ARL8B: variants seen among roughly 807,000 people sequenced by gnomAD.
The protein encoded by ARL8B is ARF like GTPase 8B.
A neutral mutation model predicts 30.6 loss-of-function variants in ARL8B; 9 were observed. The observed-to-expected ratio is 0.29, with a 90% CI of 0.18 to 0.51. The LOEUF (loss-of-function observed/expected upper bound fraction) is 0.51. ARL8B is among the 20% of genes least tolerant of loss of function. The pLI is 0.97. For missense variants in ARL8B, 130 were observed against 227.2 expected, an observed-to-expected ratio of 0.57 and a Z score of 2.75; for synonymous variants, 74 against 76.0, an observed-to-expected ratio of 0.97 and a Z score of 0.14.
intron 1 of ARL8B, among the ~76,000 whole-genome samples, chr3:5,153,249 C>G (rs2054501341): frequency 6.6e-6 from 1 of 152,178 alleles, no homozygotes; most frequent in African/African-American, 2.4e-5. Context: ...CCCAAATCTC[C>G]TCTTTGAAGT....
intron 1 of ARL8B, among the ~76,000 whole-genome samples, chr3:5,144,357 C>T (rs996522378): frequency 2.6e-5 from 4 of 152,178 alleles, no homozygotes; most frequent in African/African-American, 9.7e-5. Context: ...AGGTCTTCCT[C>T]CTGTGGCCTG....
chr3:5,141,483 G>A (rs561346652), intron 1 of ARL8B, among the ~76,000 whole-genome samples: 105 of 152,286 alleles, frequency 6.9e-4, no homozygotes, highest in Non-Finnish European at 1.2e-3. Flanking sequence ...CTCTGTGCTA[G>A]TCCCCTCACA....
chr3:5,178,074 C>A (rs768953636), intron 6 of ARL8B, among the ~76,000 whole-genome samples: 1 of 152,170 alleles, frequency 6.6e-6, no homozygotes, highest in African/African-American at 2.4e-5. Context: ...GAAGTGAGGA[C>A]AAGAATTACC....
chr3:5,176,231 A>T (rs1256621466), intron 6 of ARL8B, among the ~76,000 whole-genome samples: 1 of 151,754 alleles, frequency 6.6e-6, no homozygotes, highest in African/African-American at 2.4e-5. Context: ...ACATGGCTTT[A>T]TTTATTTTTA....
chr3:5,127,346 A>G (rs2054238989), intron 1 of ARL8B, among the ~76,000 whole-genome samples: 1 of 152,220 alleles, frequency 6.6e-6, no homozygotes, highest in South Asian at 2.1e-4. Context: ...TCCATTAAAC[A>G]TCTTTTTTGT....
intron 1 of ARL8B, among the ~76,000 whole-genome samples, chr3:5,163,757 C>T (rs1251499649): frequency 6.6e-6 from 1 of 152,140 alleles, no homozygotes; most frequent in African/African-American, 2.4e-5. Flanking sequence ...GTAATCCCAG[C>T]TACTCGGGAG....
At chr3:5,152,356 G>T (rs184277420) in intron 1 of ARL8B, among the ~76,000 whole-genome samples, 1 of 151,912 alleles carries the variant, frequency 6.6e-6, no homozygotes, top group Non-Finnish European at 1.5e-5. Context: ...ATATTTTCTT[G>T]CTTTGAAGTC....
In ARL8B at chr3:5,174,230, A is replaced by G. The variant is rs113954952; in HGVS notation, c.441-114A>G. The G allele has an allele frequency of 5.9e-4, 627 of 1,068,964 alleles. 2 individuals carry two copies. The African/African-American group carries it at 8.9e-3, about 15-fold the overall frequency. 66.2% of individuals were successfully genotyped at this position (1,068,964 alleles called of 1,614,324 possible). A position where few individuals can be genotyped will look rare whatever the true frequency, so the allele number is the denominator to read the frequency against. On this transcript the variant is annotated intron_variant, in intron 5 of 6. Transcript: ENST00000256496. ...GAGAAGTGAATCCTAACATTTTAGG[A>G]TTGCTACGATGATTTCTTCAGTATA...
intron 1 of ARL8B, among the ~76,000 whole-genome samples, chr3:5,136,423 A>G (rs542318364): frequency 6.6e-6 from 1 of 152,140 alleles, no homozygotes; most frequent in Admixed American, 6.5e-5. Context: ...TTCCATTTTT[A>G]CACATCCTTT....
At chr3:5,167,445 A>G (rs2054633763) in intron 1 of ARL8B, among the ~76,000 whole-genome samples, 1 of 152,228 alleles carries the variant, frequency 6.6e-6, no homozygotes, top group Non-Finnish European at 1.5e-5. Flanking sequence ...GGAAAAACAT[A>G]GTGTACATAG....
chr3:5,138,372 A>C (rs1035884468), intron 1 of ARL8B, among the ~76,000 whole-genome samples: 1 of 152,156 alleles, frequency 6.6e-6, no homozygotes, highest in African/African-American at 2.4e-5. Context: ...GCATTACACT[A>C]AAGTGGAAAA....
chr3:5,160,801 A>C (rs992649195), intron 1 of ARL8B, among the ~76,000 whole-genome samples: 1 of 152,246 alleles, frequency 6.6e-6, no homozygotes, highest in Admixed American at 6.5e-5. Context: ...AAATGTAATG[A>C]GTTTTTCACT....
intron 1 of ARL8B, among the ~76,000 whole-genome samples, chr3:5,143,857 T>C (rs1018765956): frequency 6.6e-6 from 1 of 152,236 alleles, no homozygotes; most frequent in Non-Finnish European, 1.5e-5. Context: ...GGAAGATCTG[T>C]AGCTCTGCCC....
At chr3:5,154,364 C>T (rs1041880404) in intron 1 of ARL8B, among the ~76,000 whole-genome samples, 2 of 118,496 alleles carry the variant, frequency 1.7e-5, no homozygotes, top group Admixed American at 7.8e-5. Context: ...GACAGGGTCT[C>T]GCTGTGTTGC....
At chr3:5,162,871 T>C (rs2054593835) in intron 1 of ARL8B, among the ~76,000 whole-genome samples, 1 of 152,146 alleles carries the variant, frequency 6.6e-6, no homozygotes, top group Non-Finnish European at 1.5e-5. Context: ...ACCCAAATAG[T>C]GAGCACAGTA....
intron 1 of ARL8B, among the ~76,000 whole-genome samples, chr3:5,144,877 C>G (rs1474097996): frequency 2.0e-5 from 3 of 152,172 alleles, no homozygotes; most frequent in Non-Finnish European, 4.4e-5. Context: ...TTATTAGGCC[C>G]TGCACTGTCC....
intron 6 of ARL8B, among the ~76,000 whole-genome samples, chr3:5,176,685 T>C (rs2054732978): frequency 6.6e-6 from 1 of 152,364 alleles, no homozygotes; most frequent in Non-Finnish European, 1.5e-5. Flanking sequence ...CTTGTTACAT[T>C]GGGAGCATTT....
At chr3:5,173,354 T>C (rs1057262058) in intron 4 of ARL8B, among the ~76,000 whole-genome samples, 1 of 152,188 alleles carries the variant, frequency 6.6e-6, no homozygotes, top group Non-Finnish European at 1.5e-5. Flanking sequence ...AACCAGTAAG[T>C]ATATAATGCA....
chr3:5,170,651 T>C, intron 2 of ARL8B, 68 bp downstream of exon 2: 1 of 1,216,272 alleles, frequency 8.2e-7, no homozygotes, highest in South Asian at 1.4e-5. Context: ...TTCTGTTAAA[T>C]TTCTGTGTTT....
Sources: allele counts gnomAD v4.1 joint callset (sites outside exome capture counted in the v4.1 genomes callset), GRCh38; gene constraint gnomAD v4.1.1; transcripts MANE v1.5; gene names NCBI Gene and HGNC (gene_info 2026-07-23, HGNC 2026-07-21).